Variants in ACSM3 observed in about 807,000 individuals in gnomAD.
ACSM3 encodes the protein acyl-CoA synthetase medium chain family member 3, also known as acyl-coenzyme A synthetase ACSM3, mitochondrial.
ACSM3 carries 61 observed loss-of-function variants against 74.1 expected under a neutral mutation model. The observed-to-expected ratio is 0.82, with a 90% CI of 0.67 to 1.02. The LOEUF is 1.02. ACSM3 is among the 50% of genes least tolerant of loss of function. The pLI is 0.00. For missense variants in ACSM3, 660 were observed against 697.0 expected (o/e 0.95, Z 0.60); for synonymous variants, 213 against 241.5 (o/e 0.88, Z 1.09).
chr16:20,743,288 C>T (rs1453874881), intron 1 of ACSM3, among the ~76,000 whole-genome samples: 2 of 152,100 alleles, frequency 1.3e-5, no homozygotes, highest in Non-Finnish European at 2.9e-5. Context: ...AGAACAGTTA[C>T]TCAAAAGGCT....
intron 1 of ACSM3, chr16:20,734,505 A>G (rs1472735141): frequency 6.6e-6 from 1 of 152,280 alleles, no homozygotes; most frequent in Admixed American, 6.5e-5. Context: ...AGCTAGGAGG[A>G]TAAAAATACA....
intron 1 of ACSM3, chr16:20,691,213 G>A (rs1329667842): frequency 1.3e-6 from 2 of 1,530,806 alleles, no homozygotes; most frequent in South Asian, 1.3e-5. Context: ...CAGAAACCAG[G>A]CACAGAGTTC....
chr16:20,744,489 A>C (rs1023767826), intron 1 of ACSM3, among the ~76,000 whole-genome samples: 6 of 152,174 alleles, frequency 3.9e-5, no homozygotes, highest in Admixed American at 6.5e-5. Context: ...GGTTCAAGCG[A>C]TTCTCCTGCC....
At chr16:20,689,904 C>T (rs28502691) in intron 1 of ACSM3, among the ~76,000 whole-genome samples, 64,821 of 152,090 alleles carry the variant, frequency 0.43, 16,357 homozygotes, top group Non-Finnish European at 0.58. Context: ...CCTGCTCTCC[C>T]ACTTATTAGA....
At chr16:20,727,539 C>T in intron 1 of ACSM3, 1 of 296,960 alleles carries the variant, frequency 3.4e-6, no homozygotes, top group African/African-American at 2.3e-5. Flanking sequence ...CAACCTGAGC[C>T]CCTGAAGTGC....
chr16:20,768,614 T>C lies in ACSM3; in HGVS notation c.-51-1370T>C, dbSNP rs141183829. ...CCCACTCTGAAATATTCTGATTTAA[T>C]TGATCCAAGACCTAGGCATCAGAGT... On this transcript the variant is annotated intron_variant, in intron 1 of 13. Transcript: ENST00000289416. 5.4e-3 allele frequency among the ~76,000 whole-genome samples: 817 copies of C among 152,340 alleles called. 8 individuals carry two copies. The highest frequency in any genetic ancestry group is 0.019 in the African/African-American group (774 of 41,576).
intron 1 of ACSM3, among the ~76,000 whole-genome samples, chr16:20,731,016 T>C (rs896284774): frequency 3.3e-5 from 5 of 152,146 alleles, no homozygotes; most frequent in Non-Finnish European, 5.9e-5. Flanking sequence ...TGCATTATCG[T>C]GCCCTGGCTA....
intron 9 of ACSM3, among the ~76,000 whole-genome samples, chr16:20,786,878 A>G (rs1267957298): frequency 6.6e-6 from 1 of 152,138 alleles, no homozygotes; most frequent in African/African-American, 2.4e-5. Flanking sequence ...CCACAACACA[A>G]CACTGGTCCT....
At chr16:20,726,436 T>C (rs2079806389) in intron 1 of ACSM3, among the ~76,000 whole-genome samples, 2 of 152,194 alleles carry the variant, frequency 1.3e-5, no homozygotes, top group African/African-American at 4.8e-5. Context: ...ATAATGCAAA[T>C]ACAAATCTTC....
chr16:20,739,055 T>C, intron 1 of ACSM3: 1 of 1,614,220 alleles, frequency 6.2e-7, no homozygotes, highest in East Asian at 2.2e-5. Context: ...AGAGGGCTGC[T>C]GATCCTTGTC....
chr16:20,771,552 C>T (rs569381369), intron 2 of ACSM3, among the ~76,000 whole-genome samples: 2 of 152,178 alleles, frequency 1.3e-5, no homozygotes, highest in South Asian at 2.1e-4. Context: ...CATGTTGCCA[C>T]AAATAACAGA....
chr16:20,735,108 G>A (rs1349554954), intron 1 of ACSM3: 3 of 152,078 alleles, frequency 2.0e-5, no homozygotes, highest in African/African-American at 7.2e-5. Flanking sequence ...GAGTCTTGTC[G>A]CTTTAAGAAA....
At chr16:20,745,815 T>C (rs1010106335) in intron 1 of ACSM3, among the ~76,000 whole-genome samples, 1 of 152,202 alleles carries the variant, frequency 6.6e-6, no homozygotes, top group African/African-American at 2.4e-5. Flanking sequence ...GTTCTACTTG[T>C]ATGTTCAGTA....
At chr16:20,756,471 T>G (rs1403730405) in intron 3 of ACSM3, among the ~76,000 whole-genome samples, 1 of 152,158 alleles carries the variant, frequency 6.6e-6, no homozygotes, top group African/African-American at 2.4e-5. Flanking sequence ...GCCCACTTTT[T>G]GATGGGGTTG....
At chr16:20,785,747 C>T (rs1460312148) in intron 8 of ACSM3, among the ~76,000 whole-genome samples, 1 of 151,740 alleles carries the variant, frequency 6.6e-6, no homozygotes. Context: ...AATGTATCAC[C>T]TGGTAAAAAA....
At chr16:20,752,883 T>C (rs1174509973) in intron 2 of ACSM3, among the ~76,000 whole-genome samples, 1 of 152,198 alleles carries the variant, frequency 6.6e-6, no homozygotes, top group Admixed American at 6.5e-5. Context: ...ATGCAATCTT[T>C]TTGCTATAAA....
At chr16:20,765,899 CTCTT>C (rs1331524931) in intron 1 of ACSM3, among the ~76,000 whole-genome samples, 23 of 152,340 alleles carry the variant, frequency 1.5e-4, no homozygotes, top group Admixed American at 5.9e-4. Flanking sequence ...TCCCATTACT[CTCTT>C]TGTTTTCTTG....
chr16:20,783,115 A>G (rs2080389662), intron 7 of ACSM3: 1 of 152,130 alleles, frequency 6.6e-6, no homozygotes, highest in African/African-American at 2.4e-5. Flanking sequence ...CTTGTGACCA[A>G]CCCCTATACG....
chr16:20,743,084 G>A (rs1162610265), intron 1 of ACSM3, among the ~76,000 whole-genome samples: 4 of 151,294 alleles, frequency 2.6e-5, no homozygotes, highest in Non-Finnish European at 4.4e-5. Context: ...GACTACAGGC[G>A]CCCGCCACCA....
Sources: allele counts gnomAD v4.1 joint callset (sites outside exome capture counted in the v4.1 genomes callset), GRCh38; gene constraint gnomAD v4.1.1; transcripts MANE v1.5; gene names NCBI Gene and HGNC (gene_info 2026-07-23, HGNC 2026-07-21).